Variants in WDHD1 observed in about 807,000 individuals in gnomAD.
WDHD1 encodes WD repeat and HMG-box DNA binding protein 1.
In WDHD1, 111 loss-of-function variants were observed where a neutral mutation model predicts 135.4. The observed-to-expected ratio is 0.82, with a 90% CI of 0.70 to 0.96. The LOEUF is 0.96. WDHD1 is among the 40% of genes least tolerant of loss of function. WDHD1 has a pLI of 0.00. For missense variants in WDHD1, 1,351 were observed against 1,336.3 expected (o/e 1.01, Z -0.17); for synonymous variants, 434 against 439.0 (o/e 0.99, Z 0.14).
At chr14:55,025,096 G>A (rs1176194936) in intron 2 of WDHD1, among the ~76,000 whole-genome samples, 1 of 106,138 alleles carries the variant, frequency 9.4e-6, no homozygotes, top group African/African-American at 3.2e-5. Context: ...TCCATCTACT[G>A]AGATAGGGAA....
chr14:54,976,039 G>C (rs1279971144), intron 16 of WDHD1, among the ~76,000 whole-genome samples: 1 of 152,048 alleles, frequency 6.6e-6, no homozygotes, highest in East Asian at 1.9e-4. Context: ...AGGAAACAGT[G>C]GCACAGAGCC....
chr14:55,020,382 C>T (rs1382795260), intron 2 of WDHD1, among the ~76,000 whole-genome samples: 2 of 152,178 alleles, frequency 1.3e-5, no homozygotes, highest in Non-Finnish European at 1.5e-5. Flanking sequence ...TTGACAGAGT[C>T]TATTATTTCC....
chr14:55,007,246 A>G (rs767892550), intron 7 of WDHD1, 34 bp downstream of exon 7: 156 of 1,478,920 alleles, frequency 1.1e-4, no homozygotes, highest in African/African-American at 8.4e-4. Flanking sequence ...AAAAAAAAAA[A>G]AAAGAAAAGA....
At position 54,995,639 on chromosome 14, in the gene WDHD1, G is replaced by A. The variant is rs556223202; in HGVS notation, c.1117C>T (p.Arg373Ter). ...TCATCATCTTCTAGGATGTGACTTC[G>A]CTGTCTAGGACGACCTGAAGCCATC... ...LMMASGRPRQ[R>*]SHILEDDENS... Residue 373 changes from arginine (R) to a stop codon, truncating the protein, a stop_gained, in exon 11 of 26, where the codon CGA (arginine) becomes TGA (stop). Transcript: ENST00000360586. LOFTEE classifies it high-confidence loss of function. 8.7e-6 allele frequency: 14 copies of A among 1,608,308 alleles called. No individual in the cohort carries two copies. Among genetic ancestry groups the A allele is most frequent in the Middle Eastern group, 1.7e-4 (1 of 6,032 alleles).
chr14:55,020,546 T>C (rs148161400), intron 2 of WDHD1, among the ~76,000 whole-genome samples: 48 of 152,324 alleles, frequency 3.2e-4, no homozygotes, highest in African/African-American at 1.1e-3. Context: ...TTCTTACCTA[T>C]ATTTACTCCT....
chr14:54,977,592 T>G (rs1193636341), intron 16 of WDHD1, among the ~76,000 whole-genome samples: 5 of 152,152 alleles, frequency 3.3e-5, no homozygotes, highest in Non-Finnish European at 1.5e-5. Flanking sequence ...CTACTATTAT[T>G]TGGAGGCATG....
At chr14:54,962,585 G>C in intron 20 of WDHD1, 34 bp from the exon 21 acceptor site, 1 of 1,566,948 alleles carries the variant, frequency 6.4e-7, no homozygotes. Context: ...TAATGTAAAT[G>C]GGGAAAATAT....
chr14:55,014,818 A>AT (rs2042233580), intron 2 of WDHD1, among the ~76,000 whole-genome samples: 1 of 152,204 alleles, frequency 6.6e-6, no homozygotes, highest in African/African-American at 2.4e-5. Flanking sequence ...AAAAAGATTC[A>AT]TAAGAAAGAT....
intron 21 of WDHD1, among the ~76,000 whole-genome samples, chr14:54,961,840 C>T (rs1372289037): frequency 7.0e-6 from 1 of 143,172 alleles, no homozygotes; most frequent in African/African-American, 2.6e-5. Flanking sequence ...TTTTCAACTC[C>T]TTTTTTTTTT....
intron 15 of WDHD1, among the ~76,000 whole-genome samples, chr14:54,981,932 G>GA (rs902782447): frequency 3.1e-4 from 47 of 151,792 alleles, no homozygotes; most frequent in Non-Finnish European, 6.2e-4. Context: ...CAAATAAAGT[G>GA]AAAAAACTGA....
intron 25 of WDHD1, among the ~76,000 whole-genome samples, chr14:54,941,967 T>C (rs1338518178): frequency 6.6e-6 from 1 of 152,124 alleles, no homozygotes; most frequent in Non-Finnish European, 1.5e-5. Flanking sequence ...AATGAAACTT[T>C]TGGCCAGGCA....
intron 7 of WDHD1, chr14:55,005,766 CCT>C (rs2042057287): frequency 2.3e-5 from 8 of 349,522 alleles, no homozygotes; most frequent in African/African-American, 1.7e-4. Flanking sequence ...TGCAGAAAGC[CCT>C]CATGGGCTTT....
At chr14:55,001,021 G>T in intron 8 of WDHD1, 29 bp from the exon 9 acceptor site, 1 of 1,374,418 alleles carries the variant, frequency 7.3e-7, no homozygotes, top group East Asian at 2.5e-5. Context: ...AATAAATAAT[G>T]ATTTTGTAAA....
At chr14:54,953,862 T>C (rs1364011437) in intron 24 of WDHD1, among the ~76,000 whole-genome samples, 1 of 152,034 alleles carries the variant, frequency 6.6e-6, no homozygotes, top group Non-Finnish European at 1.5e-5. Context: ...CTCAGCAAAC[T>C]ATCTCAAGGA....
chr14:54,955,924 G>A (rs1306431109), intron 23 of WDHD1, among the ~76,000 whole-genome samples: 2 of 138,066 alleles, frequency 1.4e-5, no homozygotes, highest in East Asian at 4.1e-4. Context: ...TTGAGACGGA[G>A]TCTCACTCTG....
Position 54,957,135 on chromosome 14 carries a change from T to C in WDHD1, c.2815A>G (p.Met939Val), listed in dbSNP as rs748222745. 4.3e-6 allele frequency: 7 copies of C among 1,614,202 alleles called. No homozygotes were observed. The highest frequency in any genetic ancestry group is 5.9e-6 in the Non-Finnish European group (7 of 1,180,030). The change falls in exon 23 of 26, where the codon ATG (methionine) becomes GTG (valine). Residue 939 changes from methionine (M) to valine (V), a missense_variant. Coordinates refer to ENST00000360586, the MANE Select transcript of WDHD1 (RefSeq NM_007086.4). The stretch of plus-strand genomic sequence containing the variant: ...GTGGATTTCTTGGATGATTTGCCCA[T>C]ATTGTCTAAAATATTAGTTGAACGT... ...SARSTNILDN[M>V]GKSSKKSTAL... is the part of the protein sequence containing the mutation.
At chr14:55,016,986 A>T (rs2042271200) in intron 2 of WDHD1, among the ~76,000 whole-genome samples, 1 of 152,228 alleles carries the variant, frequency 6.6e-6, no homozygotes, top group South Asian at 2.1e-4. Flanking sequence ...TATCAATGTC[A>T]TCAGGAGTTT....
chr14:54,948,945 C>G (rs1232277031), intron 24 of WDHD1, among the ~76,000 whole-genome samples: 2 of 152,174 alleles, frequency 1.3e-5, no homozygotes, highest in Non-Finnish European at 2.9e-5. Context: ...AGGGTCCTGA[C>G]TGTTAGAAGG....
chr14:54,999,471 T>A (rs1008221428), intron 10 of WDHD1, among the ~76,000 whole-genome samples: 35 of 152,224 alleles, frequency 2.3e-4, no homozygotes, highest in Non-Finnish European at 5.9e-5. Context: ...TACCAAATTC[T>A]GAATCTCTGG....
Sources: allele counts gnomAD v4.1 joint callset (sites outside exome capture counted in the v4.1 genomes callset), GRCh38; gene constraint gnomAD v4.1.1; transcripts MANE v1.5; gene names NCBI Gene and HGNC (gene_info 2026-07-23, HGNC 2026-07-21).